Variants in SSH2 observed in about 807,000 individuals in gnomAD.
SSH2 encodes slingshot protein phosphatase 2, also known as protein phosphatase Slingshot homolog 2.
In SSH2, 37 loss-of-function variants were observed where a neutral mutation model predicts 135.2. The observed-to-expected ratio is 0.27, with a 90% CI of 0.21 to 0.36. SSH2 has a LOEUF of 0.36. SSH2 is among the 10% of genes least tolerant of loss of function. SSH2 has a pLI of 1.00. For synonymous variants in SSH2, 628 were observed against 646.2 expected (o/e 0.97, Z 0.43); for missense variants, 1,408 against 1,765.3 (o/e 0.80, Z 3.63).
intron 3 of SSH2, chr17:29,787,731 A>AT (rs61703855): frequency 0.085 from 11,884 of 139,240 alleles, 1,341 homozygotes; most frequent in African/African-American, 0.26. Flanking sequence ...AGTGATTTTG[A>AT]TTTTTTTTTT....
intron 15 of SSH2, among the ~76,000 whole-genome samples, chr17:29,634,742 G>T (rs2035825747): frequency 6.6e-6 from 1 of 151,702 alleles, no homozygotes; most frequent in Non-Finnish European, 1.5e-5. Flanking sequence ...TAGTAGAGAT[G>T]GGGTTTCACC....
At chr17:29,698,277 G>A (rs1218944197) in intron 4 of SSH2, among the ~76,000 whole-genome samples, 1 of 152,122 alleles carries the variant, frequency 6.6e-6, no homozygotes, top group Non-Finnish European at 1.5e-5. Flanking sequence ...GGTGATGGCT[G>A]TACAACTCTG....
chr17:29,836,837 A>G (rs1453764372), intron 2 of SSH2, among the ~76,000 whole-genome samples: 1 of 152,198 alleles, frequency 6.6e-6, no homozygotes, highest in African/African-American at 2.4e-5. Flanking sequence ...GAATTTGTTA[A>G]ATTTACAACT....
chr17:29,634,821 G>T (rs894301442), intron 15 of SSH2, among the ~76,000 whole-genome samples: 3 of 152,146 alleles, frequency 2.0e-5, no homozygotes, highest in African/African-American at 7.2e-5. Flanking sequence ...AAAGTGCTGG[G>T]ATTACAGGCG....
chr17:29,715,140 TAC>T (rs575068369), intron 3 of SSH2, among the ~76,000 whole-genome samples: 105 of 152,292 alleles, frequency 6.9e-4, no homozygotes, highest in African/African-American at 2.5e-3. Flanking sequence ...GTGCTGGGAT[TAC>T]AGACGTGAGC....
At chr17:29,822,236 T>C (rs1351337088) in intron 2 of SSH2, among the ~76,000 whole-genome samples, 1 of 152,228 alleles carries the variant, frequency 6.6e-6, no homozygotes, top group Admixed American at 6.5e-5. Flanking sequence ...AAATGAGTAC[T>C]GCACTTCCTT....
At chr17:29,651,114 A>G (rs1294084808) in intron 12 of SSH2, among the ~76,000 whole-genome samples, 2 of 152,168 alleles carry the variant, frequency 1.3e-5, no homozygotes, top group African/African-American at 4.8e-5. Context: ...TATGCCTCAT[A>G]TTTTACTCCA....
At chr17:29,655,142 C>T (rs2036730939) in intron 12 of SSH2, among the ~76,000 whole-genome samples, 1 of 151,786 alleles carries the variant, frequency 6.6e-6, no homozygotes, top group African/African-American at 2.4e-5. Context: ...CTCGCTCTGT[C>T]ACCCTGGCTG....
intron 12 of SSH2, among the ~76,000 whole-genome samples, chr17:29,651,961 G>A (rs2036594174): frequency 6.6e-6 from 1 of 152,156 alleles, no homozygotes; most frequent in South Asian, 2.1e-4. Flanking sequence ...TGGTCAAGAT[G>A]GTGAAACCCC....
intron 2 of SSH2, among the ~76,000 whole-genome samples, chr17:29,847,944 C>A (rs112092709): frequency 4.1e-4 from 62 of 152,266 alleles, no homozygotes; most frequent in South Asian, 1.2e-3. Context: ...AGTATATATA[C>A]AGTTGCCAAG....
intron 12 of SSH2, among the ~76,000 whole-genome samples, chr17:29,653,886 C>A (rs1431167108): frequency 6.6e-6 from 1 of 152,090 alleles, no homozygotes; most frequent in Non-Finnish European, 1.5e-5. Flanking sequence ...CTATGCCTGG[C>A]CAGAATTACA....
chr17:29,689,506 C>A (rs1488218403), intron 5 of SSH2, among the ~76,000 whole-genome samples: 2 of 152,128 alleles, frequency 1.3e-5, no homozygotes, highest in Admixed American at 1.3e-4. Flanking sequence ...CTACTGAAGT[C>A]CATTTTAATT....
At chr17:29,648,667 A>C (rs1300343543) in intron 13 of SSH2, among the ~76,000 whole-genome samples, 2 of 152,244 alleles carry the variant, frequency 1.3e-5, no homozygotes, top group Non-Finnish European at 2.9e-5. Context: ...CTTTTATCCT[A>C]AAGGATAGGA....
At chr17:29,821,482 T>G (rs1210854110) in intron 2 of SSH2, among the ~76,000 whole-genome samples, 1 of 149,346 alleles carries the variant, frequency 6.7e-6, no homozygotes, top group African/African-American at 2.6e-5. Flanking sequence ...AAGCGAGTTA[T>G]TGGAGCAAAT....
intron 1 of SSH2, among the ~76,000 whole-genome samples, chr17:29,903,046 C>G (rs1281092390): frequency 1.3e-5 from 2 of 151,756 alleles, no homozygotes; most frequent in East Asian, 3.9e-4. Context: ...ATTAGCTGGG[C>G]ATGGTGCCGG....
At chr17:29,683,702 G>A (rs1370658686) in intron 6 of SSH2, among the ~76,000 whole-genome samples, 2 of 151,732 alleles carry the variant, frequency 1.3e-5, no homozygotes, top group African/African-American at 4.8e-5. Flanking sequence ...CGAAGTGGGA[G>A]GATTGCTTAA....
Position 29,632,338 on chromosome 17 carries a change from G to A in SSH2, c.2856C>T (p.Leu952=). 2 of 1,613,968 alleles carry A rather than the reference G, an allele frequency of 1.2e-6. No homozygotes were observed. The highest frequency in any genetic ancestry group is 1.7e-6 in the Non-Finnish European group (2 of 1,179,836). Residue 952 remains leucine, a synonymous_variant, in exon 16 of 16, where the codon CTC becomes CTT. Transcript: ENST00000540801. ...DEAPPEHSFV[L]KEPEMSKGKG... is the part of the protein sequence containing the mutation. The stretch of plus-strand genomic sequence containing the variant: ...TGCCTTTGCTCATTTCTGGTTCCTT[G>A]AGGACAAATGAATGTTCTGGGGGGG...
chr17:29,643,398 A>T, intron 14 of SSH2: 4 of 329,874 alleles, frequency 1.2e-5, no homozygotes, highest in Non-Finnish European at 1.7e-5. Context: ...GATCCAGAGG[A>T]TAAATGTGAA....
chr17:29,744,865 G>T (rs935085671), intron 3 of SSH2, among the ~76,000 whole-genome samples: 2 of 114,226 alleles, frequency 1.8e-5, no homozygotes, highest in African/African-American at 7.1e-5. Flanking sequence ...ACTTGAGTGT[G>T]TGTGTGTGTG....
Sources: allele counts gnomAD v4.1 joint callset (sites outside exome capture counted in the v4.1 genomes callset), GRCh38; gene constraint gnomAD v4.1.1; transcripts MANE v1.5; gene names NCBI Gene and HGNC (gene_info 2026-07-23, HGNC 2026-07-21).